PIBF1: variants seen among roughly 807,000 people sequenced by gnomAD.
The protein encoded by PIBF1 is progesterone immunomodulatory binding factor 1.
In PIBF1, 90 loss-of-function variants were observed where a neutral mutation model predicts 112.5. The observed-to-expected ratio is 0.80, with a 90% CI of 0.67 to 0.95. The LOEUF is 0.95. Ranked by LOEUF, PIBF1 falls within the 40% of genes least tolerant of loss-of-function variation. The pLI is 0.00. For synonymous variants in PIBF1, 301 were observed against 288.6 expected, an observed-to-expected ratio of 1.04 and a Z score of -0.44; for missense variants, 915 against 852.3, an observed-to-expected ratio of 1.07 and a Z score of -0.92.
intron 11 of PIBF1, among the ~76,000 whole-genome samples, chr13:72,905,622 A>G (rs1199411465): frequency 6.6e-6 from 1 of 152,164 alleles, no homozygotes; most frequent in Non-Finnish European, 1.5e-5. Flanking sequence ...TTCTTCAGGA[A>G]AATGCTGTAG....
At chr13:72,945,145 A>G (rs1333170100) in intron 14 of PIBF1, among the ~76,000 whole-genome samples, 1 of 152,102 alleles carries the variant, frequency 6.6e-6, no homozygotes, top group African/African-American at 2.4e-5. Flanking sequence ...AATATGGAGT[A>G]TTTGGCTTTC....
chr13:72,803,249 GTTTTGTT>G (rs996471478), intron 5 of PIBF1, among the ~76,000 whole-genome samples: 28 of 139,934 alleles, frequency 2.0e-4, no homozygotes, highest in East Asian at 1.2e-3. Context: ...TTGTTTTTTT[GTTTTGTT>G]TTTTGTTTTT....
chr13:72,863,038 A>ATTC (rs545030244), intron 10 of PIBF1, among the ~76,000 whole-genome samples: 111 of 152,318 alleles, frequency 7.3e-4, no homozygotes, highest in African/African-American at 2.4e-3. Flanking sequence ...GTACATATAT[A>ATTC]ATGTTCTCAG....
At chr13:72,998,725 TTG>T in intron 16 of PIBF1, 95 bp from the exon 17 acceptor site, 1 of 766,454 alleles carries the variant, frequency 1.3e-6, no homozygotes, top group South Asian at 1.8e-5. Context: ...TGTAGTATAA[TTG>T]TTTCTTCTAC....
At chr13:72,959,188 G>T (rs537762966) in intron 14 of PIBF1, among the ~76,000 whole-genome samples, 38 of 145,172 alleles carry the variant, frequency 2.6e-4, no homozygotes, top group Non-Finnish European at 4.9e-4. Context: ...TAGAGACGGG[G>T]TTTTGCCATG....
At chr13:72,923,225 A>C (rs796861315) in intron 13 of PIBF1, among the ~76,000 whole-genome samples, 22 of 152,362 alleles carry the variant, frequency 1.4e-4, no homozygotes, top group African/African-American at 5.3e-4. Context: ...TCAGATATAA[A>C]CAAAACTCTG....
chr13:72,854,023 T>G (rs1245390462), intron 9 of PIBF1, 34 bp from the exon 10 acceptor site: 1 of 1,396,714 alleles, frequency 7.2e-7, no homozygotes, highest in African/African-American at 1.4e-5. Context: ...AAATCACGCA[T>G]TTGAAATAAC....
intron 5 of PIBF1, among the ~76,000 whole-genome samples, chr13:72,811,724 A>G (rs1018052830): frequency 3.3e-5 from 5 of 152,200 alleles, no homozygotes; most frequent in Non-Finnish European, 7.4e-5. Flanking sequence ...TTACGTTACA[A>G]CTTGGACTTA....
At chr13:72,897,386 A>G (rs370688744) in intron 11 of PIBF1, among the ~76,000 whole-genome samples, 1 of 152,208 alleles carries the variant, frequency 6.6e-6, no homozygotes, top group East Asian at 1.9e-4. Context: ...AAACAAAAAT[A>G]CAAGTTAAAA....
intron 17 of PIBF1, among the ~76,000 whole-genome samples, chr13:73,015,541 G>T (rs2139073495): frequency 6.6e-6 from 1 of 152,222 alleles, no homozygotes; most frequent in Middle Eastern, 3.4e-3. Context: ...ATATAGATGA[G>T]ACAACTGAAA....
chr13:72,992,604 C>T (rs767886421), intron 16 of PIBF1, among the ~76,000 whole-genome samples: 1 of 151,804 alleles, frequency 6.6e-6, no homozygotes, highest in Non-Finnish European at 1.5e-5. Context: ...GACCAGCCTG[C>T]GCAACATGGT....
intron 16 of PIBF1, among the ~76,000 whole-genome samples, chr13:72,980,154 A>G (rs1265852943): frequency 6.6e-6 from 1 of 152,172 alleles, no homozygotes; most frequent in Non-Finnish European, 1.5e-5. Context: ...TCTTGTGCCC[A>G]AGAAAGAGAA....
chr13:72,941,690 C>T (rs2042012424), intron 14 of PIBF1, among the ~76,000 whole-genome samples: 1 of 152,132 alleles, frequency 6.6e-6, no homozygotes. Flanking sequence ...ACCTAGAAGG[C>T]ATTGCTAGAT....
intron 13 of PIBF1, among the ~76,000 whole-genome samples, chr13:72,926,606 A>G (rs571629153): frequency 1.3e-5 from 2 of 152,302 alleles, no homozygotes; most frequent in East Asian, 1.9e-4. Context: ...ATAAAATCCA[A>G]ACATACAAGG....
At chr13:72,960,633 T>G (rs1243652841) in intron 14 of PIBF1, among the ~76,000 whole-genome samples, 1 of 152,194 alleles carries the variant, frequency 6.6e-6, no homozygotes, top group Non-Finnish European at 1.5e-5. Context: ...CCTGCCACCC[T>G]TTCCCCACAC....
chr13:72,792,338 A>G (rs2034975928), intron 2 of PIBF1, 109 bp from the exon 3 acceptor site: 2 of 688,034 alleles, frequency 2.9e-6, no homozygotes, highest in Non-Finnish European at 4.9e-6. Context: ...TGGTCCCTCT[A>G]TCCATTTTTA....
chr13:72,839,762 T>C (rs547208605), intron 9 of PIBF1, among the ~76,000 whole-genome samples: 1 of 152,266 alleles, frequency 6.6e-6, no homozygotes, highest in South Asian at 2.1e-4. Context: ...GTTTATCCCA[T>C]TGTAACATAA....
At chr13:72,940,741 A>G (rs1164775270) in intron 14 of PIBF1, among the ~76,000 whole-genome samples, 3 of 152,152 alleles carry the variant, frequency 2.0e-5, no homozygotes, top group Admixed American at 2.0e-4. Flanking sequence ...TTTCTCCCCC[A>G]TTACTACAAC....
intron 11 of PIBF1, among the ~76,000 whole-genome samples, chr13:72,904,088 A>G (rs535573214): frequency 1.4e-5 from 2 of 146,530 alleles, no homozygotes; most frequent in African/African-American, 5.6e-5. Context: ...TTTGTTGGGT[A>G]AAAGATTTTT....
Sources: gnomAD v4.1 joint callset for allele counts (sites outside exome capture counted in the v4.1 genomes callset) on GRCh38, gnomAD v4.1.1 for gene constraint, MANE v1.5 for transcripts, NCBI Gene and HGNC (gene_info 2026-07-23, HGNC 2026-07-21) for gene names.